The following PIK3C2G variants were observed in gnomAD, a reference collection of about 807,000 sequenced individuals.
PIK3C2G encodes the protein phosphatidylinositol-4-phosphate 3-kinase catalytic subunit type 2 gamma, also known as phosphatidylinositol 3-kinase C2 domain-containing subunit gamma.
A neutral mutation model predicts 181.1 loss-of-function variants in PIK3C2G; 168 were observed. That is an observed-to-expected ratio of 0.93 (90% CI 0.82 to 1.05). PIK3C2G has a LOEUF of 1.05. Among genes scored for constraint, PIK3C2G ranks in the 50% least tolerant of loss-of-function variants. The pLI is 0.00. For synonymous variants in PIK3C2G, 573 were observed against 592.2 expected, an observed-to-expected ratio of 0.97 and a Z score of 0.47; for missense variants, 1,869 against 1,732.8, an observed-to-expected ratio of 1.08 and a Z score of -1.40.
chr12:18,633,720 T>A (rs568209494), intron 31 of PIK3C2G, among the ~76,000 whole-genome samples: 23 of 152,284 alleles, frequency 1.5e-4, no homozygotes, highest in African/African-American at 5.3e-4. Context: ...GAACTGTAAC[T>A]CCCTTTTTGC....
At chr12:18,621,801 T>C (rs1948876915) in intron 31 of PIK3C2G, among the ~76,000 whole-genome samples, 1 of 151,804 alleles carries the variant, frequency 6.6e-6, no homozygotes, top group Non-Finnish European at 1.5e-5. Flanking sequence ...CTTAAACTGA[T>C]GTGAAATGAA....
At chr12:18,404,700 A>T (rs182899415) in intron 16 of PIK3C2G, among the ~76,000 whole-genome samples, 1 of 152,292 alleles carries the variant, frequency 6.6e-6, no homozygotes, top group East Asian at 1.9e-4. Context: ...GAATTGTATC[A>T]GGAAACAAAG....
At chr12:18,557,419 CCT>C (rs1198235288) in intron 26 of PIK3C2G, among the ~76,000 whole-genome samples, 5 of 151,652 alleles carry the variant, frequency 3.3e-5, no homozygotes, top group Non-Finnish European at 5.9e-5. Context: ...TATATGATCA[CCT>C]AAATAGATAC....
chr12:18,301,424 G>A (rs917789055), intron 5 of PIK3C2G, among the ~76,000 whole-genome samples: 1 of 151,028 alleles, frequency 6.6e-6, no homozygotes, highest in African/African-American at 2.4e-5. Flanking sequence ...CTTTTTTTTT[G>A]TCTGACTGGG....
chr12:18,416,838 AACATCC>A (rs1254588530), intron 16 of PIK3C2G, among the ~76,000 whole-genome samples: 2 of 152,216 alleles, frequency 1.3e-5, no homozygotes, highest in African/African-American at 4.8e-5. Flanking sequence ...CTGCTAACAA[AACATCC>A]ATTCTGAAGC....
intron 1 of PIK3C2G, among the ~76,000 whole-genome samples, chr12:18,250,015 T>C (rs1948080169): frequency 6.6e-6 from 1 of 152,074 alleles, no homozygotes; most frequent in African/African-American, 2.4e-5. Context: ...TACACAGATC[T>C]TAACTCTAAC....
the PIK3C2G span, among the ~76,000 whole-genome samples, chr12:18,661,553 T>A: frequency 3.9e-5 from 6 of 152,068 alleles, no homozygotes; most frequent in South Asian, 1.2e-3. Flanking sequence ...AAAACAATGT[T>A]CAACATTATT....
chr12:18,338,663 CTGTGTGTGTG>C (rs199613361), intron 9 of PIK3C2G, 115 bp downstream of exon 9: 10,899 of 412,868 alleles, frequency 0.026, 79 homozygotes, highest in African/African-American at 0.061. Flanking sequence ...TTGTGTGTAT[CTGTGTGTGTG>C]TGTGTGTGTG....
intron 29 of PIK3C2G, among the ~76,000 whole-genome samples, chr12:18,569,036 G>A (rs549601032): frequency 6.6e-6 from 1 of 152,164 alleles, no homozygotes; most frequent in South Asian, 2.1e-4. Context: ...CCCATCAAGA[G>A]GAGGCAGCTT....
At chr12:18,256,495 C>G (rs140204277) in intron 1 of PIK3C2G, among the ~76,000 whole-genome samples, 171 of 152,178 alleles carry the variant, frequency 1.1e-3, no homozygotes, top group African/African-American at 4.0e-3. Context: ...GCCTAACCTT[C>G]GAAACTATAA....
rs1431233326 is a variant in PIK3C2G, at chr12:18,633,145, G to A, written c.4183-7284G>A. On this transcript the variant is annotated intron_variant, in intron 31 of 32. Transcript: ENST00000538779. ...CCTCAGAAAGAGGTAAAGTCCTTGAGTGATGTTTACTCTTCTCCTTGATAT... is the reference window on the plus strand; with the variant it reads ...CCTCAGAAAGAGGTAAAGTCCTTGAATGATGTTTACTCTTCTCCTTGATAT... 2.0e-5 allele frequency among the ~76,000 whole-genome samples: 3 copies of A among 152,134 alleles called. No individual in the cohort carries two copies. The East Asian group carries it at 5.8e-4, about 29-fold the overall frequency.
the PIK3C2G span, among the ~76,000 whole-genome samples, chr12:18,721,224 C>A: frequency 6.6e-6 from 1 of 151,932 alleles, no homozygotes. Flanking sequence ...TTAAAAACTA[C>A]CAGTTTGAAA....
intron 31 of PIK3C2G, among the ~76,000 whole-genome samples, chr12:18,626,330 T>C (rs74071242): frequency 0.03 from 4,568 of 151,994 alleles, 240 homozygotes; most frequent in African/African-American, 0.1. Context: ...CACCATTTTA[T>C]GTTTTTTATG....
Position 18,294,002 on chromosome 12 carries a change from G to A in PIK3C2G, c.1021G>A (p.Glu341Lys). 6.5e-7 allele frequency: 1 copy of A among 1,529,900 alleles called. No individual in the cohort carries two copies. Among genetic ancestry groups the A allele is most frequent in the Non-Finnish European group, 9.0e-7 (1 of 1,107,736 alleles). The allele number at this position is 1,529,900 out of a possible 1,614,324, so 94.8% of individuals were successfully genotyped here. Residue 341 changes from glutamate (E) to lysine (K), a missense_variant, in exon 5 of 33, where the codon GAA becomes AAA. By Grantham distance (56) the Glu-to-Lys change is moderately conservative. Coordinates refer to ENST00000538779, the MANE Select transcript of PIK3C2G (RefSeq NM_001288772.2). ...DHILSVCGSEEFLQNDHCLGS... is the reference protein window; with the variant it reads ...DHILSVCGSEKFLQNDHCLGS... ...TATTCTAAGTGTATGTGGCTCTGAAGAATTTTTACAAAAGTAAGTATTTTA... is the reference window on the plus strand; with the variant it reads ...TATTCTAAGTGTATGTGGCTCTGAAAAATTTTTACAAAAGTAAGTATTTTA...
At chr12:18,621,346 GA>G (rs1409699989) in intron 31 of PIK3C2G, among the ~76,000 whole-genome samples, 1 of 151,836 alleles carries the variant, frequency 6.6e-6, no homozygotes, top group Non-Finnish European at 1.5e-5. Flanking sequence ...TTAAAATAGA[GA>G]AATAGAAAAA....
intron 29 of PIK3C2G, among the ~76,000 whole-genome samples, chr12:18,589,745 A>C (rs973631114): frequency 6.6e-6 from 1 of 151,994 alleles, no homozygotes; most frequent in African/African-American, 2.4e-5. Context: ...TTTAGCACAT[A>C]AGGAATTTTG....
At chr12:18,389,437 G>A (rs112970947) in intron 14 of PIK3C2G, among the ~76,000 whole-genome samples, 10 of 152,070 alleles carry the variant, frequency 6.6e-5, no homozygotes, top group African/African-American at 2.4e-4. Flanking sequence ...CTGAGTGTTT[G>A]TCAGTACTGA....
chr12:18,330,948 T>C (rs1379095833), intron 8 of PIK3C2G, among the ~76,000 whole-genome samples: 1 of 152,230 alleles, frequency 6.6e-6, no homozygotes, highest in Non-Finnish European at 1.5e-5. Context: ...GTTTATGCTT[T>C]CTTATCATAT....
intron 5 of PIK3C2G, among the ~76,000 whole-genome samples, chr12:18,300,306 C>T (rs1418358774): frequency 6.6e-6 from 1 of 151,878 alleles, no homozygotes; most frequent in African/African-American, 2.4e-5. Flanking sequence ...TATGTATGTA[C>T]TATTTCACAT....
Sources: gnomAD v4.1 joint callset for allele counts (sites outside exome capture counted in the v4.1 genomes callset) on GRCh38, gnomAD v4.1.1 for gene constraint, MANE v1.5 for transcripts, NCBI Gene and HGNC (gene_info 2026-07-23, HGNC 2026-07-21) for gene names.